The following FAM13A variants were observed in gnomAD, a reference collection of about 807,000 sequenced individuals.
FAM13A encodes family with sequence similarity 13 member A, also known as protein FAM13A.
FAM13A carries 76 observed loss-of-function variants against 129.6 expected under a neutral mutation model. The ratio of observed to expected loss-of-function variants is 0.59; its 90% CI spans 0.49 to 0.71. FAM13A has a LOEUF of 0.71. Among genes scored for constraint, FAM13A ranks in the 30% least tolerant of loss-of-function variants. FAM13A has a pLI of 0.00. For synonymous variants in FAM13A, 443 were observed against 449.9 expected (o/e 0.98, Z 0.20); for missense variants, 1,108 against 1,249.3 (o/e 0.89, Z 1.70).
At chr4:88,877,295 G>T (rs2150108856) in intron 6 of FAM13A, among the ~76,000 whole-genome samples, 1 of 152,186 alleles carries the variant, frequency 6.6e-6, no homozygotes, top group Middle Eastern at 3.4e-3. Flanking sequence ...TTGAACTACT[G>T]AATCTGGCAA....
At chr4:89,006,503 G>A (rs1765036100) in intron 3 of FAM13A, among the ~76,000 whole-genome samples, 1 of 152,214 alleles carries the variant, frequency 6.6e-6, no homozygotes, top group Non-Finnish European at 1.5e-5. Flanking sequence ...GGGAGGAGGA[G>A]CATGCAGGCA....
At chr4:88,898,753 A>T (rs1423354332) in intron 6 of FAM13A, among the ~76,000 whole-genome samples, 2 of 152,022 alleles carry the variant, frequency 1.3e-5, no homozygotes, top group African/African-American at 4.8e-5. Flanking sequence ...GTGGCTAATA[A>T]TAAAAAAAAT....
At chr4:88,846,217 T>A (rs1315782721) in intron 7 of FAM13A, among the ~76,000 whole-genome samples, 1 of 152,246 alleles carries the variant, frequency 6.6e-6, no homozygotes, top group African/African-American at 2.4e-5. Flanking sequence ...CTTGTCTTAA[T>A]CCCAGTAGCA....
intron 3 of FAM13A, among the ~76,000 whole-genome samples, chr4:88,992,976 T>C (rs1763098378): frequency 6.6e-6 from 1 of 152,110 alleles, no homozygotes; most frequent in African/African-American, 2.4e-5. Flanking sequence ...TTAATCAGTG[T>C]TACAAAGCAC....
At chr4:88,776,165 T>C (rs995814009) in intron 11 of FAM13A, among the ~76,000 whole-genome samples, 1 of 152,186 alleles carries the variant, frequency 6.6e-6, no homozygotes. Context: ...AGAGAAACAA[T>C]TACCTCTAAT....
At chr4:88,863,899 C>T (rs1197110681) in intron 6 of FAM13A, among the ~76,000 whole-genome samples, 1 of 152,062 alleles carries the variant, frequency 6.6e-6, no homozygotes, top group Non-Finnish European at 1.5e-5. Flanking sequence ...AAGGATTTCA[C>T]ATGAAGCAGA....
At chr4:88,821,317 G>A (rs973905589) in intron 7 of FAM13A, among the ~76,000 whole-genome samples, 1 of 152,132 alleles carries the variant, frequency 6.6e-6, no homozygotes, top group African/African-American at 2.4e-5. Flanking sequence ...GTGAATGCAC[G>A]TAACAGCGCT....
At chr4:88,931,905 G>A (rs941235239) in intron 5 of FAM13A, among the ~76,000 whole-genome samples, 2 of 152,172 alleles carry the variant, frequency 1.3e-5, no homozygotes, top group African/African-American at 2.4e-5. Flanking sequence ...CAAAAGGAGA[G>A]ATAATACAAT....
chr4:88,950,670 G>A (rs550580308), intron 4 of FAM13A, among the ~76,000 whole-genome samples: 5 of 152,290 alleles, frequency 3.3e-5, no homozygotes, highest in African/African-American at 4.8e-5. Context: ...GAAGATAGAT[G>A]TATACTATTT....
intron 10 of FAM13A, 72 bp downstream of exon 10, chr4:88,787,681 C>A (rs1194041020): frequency 2.8e-6 from 4 of 1,428,854 alleles, no homozygotes; most frequent in African/African-American, 1.4e-5. Flanking sequence ...TATAACACAG[C>A]GACTAATTTG....
chr4:88,873,006 T>A (rs540788018), intron 6 of FAM13A, among the ~76,000 whole-genome samples: 2 of 152,050 alleles, frequency 1.3e-5, no homozygotes, highest in Non-Finnish European at 2.9e-5. Flanking sequence ...CACACTCCTA[T>A]ATGGAAACTG....
rs529939758 is a variant in FAM13A at position 88,731,586 on chromosome 4, T to C, written c.2844-158A>G. ...GGGGCGCGGAAATGCATGTTTTCCATTTCCTGAAAGCCAAACATGCTGGCA... is the reference window on the plus strand; with the variant it reads ...GGGGCGCGGAAATGCATGTTTTCCACTTCCTGAAAGCCAAACATGCTGGCA... On this transcript the variant is annotated intron_variant, in intron 22 of 23. Transcript: ENST00000264344. 5.1e-4 allele frequency: 272 copies of C among 537,148 alleles called. 1 individual carries two copies. The highest frequency in any genetic ancestry group is 4.3e-4 in the Non-Finnish European group (133 of 307,524). 33.3% of individuals were successfully genotyped at this position (537,148 alleles called of 1,614,324 possible). A position where few individuals can be genotyped will look rare whatever the true frequency, so the allele number is the denominator to read the frequency against.
At chr4:89,037,674 C>T (rs940331740) in intron 1 of FAM13A, among the ~76,000 whole-genome samples, 11 of 152,142 alleles carry the variant, frequency 7.2e-5, no homozygotes, top group Non-Finnish European at 1.5e-4. Context: ...TTTGAGTCAC[C>T]ACCCATGTCT....
intron 4 of FAM13A, among the ~76,000 whole-genome samples, chr4:88,970,745 A>G (rs974810260): frequency 6.6e-6 from 1 of 152,214 alleles, no homozygotes; most frequent in Non-Finnish European, 1.5e-5. Flanking sequence ...CTCAGTGATA[A>G]TGAAACAAGA....
chr4:88,911,808 T>C (rs574011980), intron 5 of FAM13A, among the ~76,000 whole-genome samples: 26 of 152,330 alleles, frequency 1.7e-4, no homozygotes, highest in African/African-American at 5.5e-4. Context: ...TTTTAAAAGA[T>C]ACTTCCTTAA....
chr4:88,796,224 C>A (rs1169327952), intron 8 of FAM13A, among the ~76,000 whole-genome samples: 1 of 151,692 alleles, frequency 6.6e-6, no homozygotes, highest in African/African-American at 2.4e-5. Flanking sequence ...TAACAGTATG[C>A]ACTTGAGATT....
chr4:88,737,589 G>A (rs369437932), intron 20 of FAM13A, 34 bp from the exon 21 acceptor site: 13 of 1,568,404 alleles, frequency 8.3e-6, no homozygotes, highest in South Asian at 6.7e-5. Flanking sequence ...GTTACATTCC[G>A]AACCCCTTTC....
intron 6 of FAM13A, among the ~76,000 whole-genome samples, chr4:88,852,909 T>G (rs964424518): frequency 6.6e-6 from 1 of 152,182 alleles, no homozygotes; most frequent in African/African-American, 2.4e-5. Context: ...TATGTATAAT[T>G]ATGACTTGTC....
chr4:89,045,607 C>T (rs1398616164), intron 1 of FAM13A, among the ~76,000 whole-genome samples: 2 of 152,160 alleles, frequency 1.3e-5, no homozygotes, highest in African/African-American at 4.8e-5. Flanking sequence ...GAATCTTTTG[C>T]ACAGCCAAGC....
Sources: gnomAD v4.1 joint callset for allele counts (sites outside exome capture counted in the v4.1 genomes callset) on GRCh38, gnomAD v4.1.1 for gene constraint, MANE v1.5 for transcripts, NCBI Gene and HGNC (gene_info 2026-07-23, HGNC 2026-07-21) for gene names.